Variants in UNC5C observed in about 807,000 individuals in gnomAD.
The protein encoded by UNC5C is netrin receptor UNC5C.
In UNC5C, 47 loss-of-function variants were observed where a neutral mutation model predicts 99.8. The observed-to-expected ratio is 0.47, with a 90% CI of 0.37 to 0.60. UNC5C has a LOEUF of 0.60. Ranked by LOEUF, UNC5C falls within the 20% of genes least tolerant of loss-of-function variation. The pLI is 0.00. For missense variants in UNC5C, 1,062 were observed against 1,165.9 expected (o/e 0.91, Z 1.30); for synonymous variants, 487 against 452.2 (o/e 1.08, Z -0.98).
rs970126203 is a variant in UNC5C, at chr4:95,277,603, T to G, written c.594+656A>C. Among the ~76,000 whole-genome samples, 10 of 152,322 alleles carry G rather than the reference T, an allele frequency of 6.6e-5. 1 individual carries two copies. The highest frequency in any genetic ancestry group is 1.9e-4 in the African/African-American group (8 of 41,590). On this transcript the variant is annotated intron_variant, in intron 4 of 15. Transcript: ENST00000453304. ...GTCCTCTTCCCCAAAGAGAGATATTTTCAAAGGACATGGTATTGTGTGTTG... is the reference window on the plus strand; with the variant it reads ...GTCCTCTTCCCCAAAGAGAGATATTGTCAAAGGACATGGTATTGTGTGTTG...
Position 95,311,146 on chromosome 4 carries a change from C to A in UNC5C, c.347-9397G>T, listed in dbSNP as rs562581611. Among the ~76,000 whole-genome samples the A allele has an allele frequency of 4.3e-4, 65 of 152,196 alleles. 1 individual carries two copies. The highest frequency in any genetic ancestry group is 1.5e-3 in the African/African-American group (64 of 41,528). The stretch of plus-strand genomic sequence containing the variant: ...AATTGCTAGAAATCAACCTTACAAG[C>A]ACTAGCTGTCATTTAATTCTTTTTA... On this transcript the variant is annotated intron_variant, in intron 2 of 15. Coordinates refer to ENST00000453304, the MANE Select transcript of UNC5C (RefSeq NM_003728.4).
intron 1 of UNC5C, among the ~76,000 whole-genome samples, chr4:95,378,880 A>C (rs902023475): frequency 1.3e-4 from 20 of 152,164 alleles, no homozygotes; most frequent in African/African-American, 4.8e-4. Flanking sequence ...TCTAGAAAAA[A>C]CACCAAGTCT....
intron 2 of UNC5C, 124 bp downstream of exon 2, chr4:95,335,285 CA>C (rs1005602259): frequency 1.1e-6 from 1 of 934,394 alleles, no homozygotes; most frequent in African/African-American, 1.7e-5. Context: ...CAAACCAATT[CA>C]AAACTTTTTG....
intron 2 of UNC5C, among the ~76,000 whole-genome samples, chr4:95,319,800 CAA>C (rs561175151): frequency 6.6e-6 from 1 of 151,680 alleles, no homozygotes; most frequent in Non-Finnish European, 1.5e-5. Context: ...TCAAAGATGC[CAA>C]AAAAATGATA....
intron 4 of UNC5C, among the ~76,000 whole-genome samples, chr4:95,274,060 A>T (rs1740762901): frequency 6.6e-6 from 1 of 152,210 alleles, no homozygotes; most frequent in African/African-American, 2.4e-5. Context: ...TAGAGATAAA[A>T]CATGAACAAA....
At chr4:95,290,259 C>A (rs1354749600) in intron 3 of UNC5C, among the ~76,000 whole-genome samples, 1 of 151,914 alleles carries the variant, frequency 6.6e-6, no homozygotes, top group Non-Finnish European at 1.5e-5. Flanking sequence ...GTGAACTATG[C>A]TCATGCCACT....
chr4:95,464,580 A>G (rs760077162), intron 1 of UNC5C, among the ~76,000 whole-genome samples: 2 of 152,176 alleles, frequency 1.3e-5, no homozygotes, highest in Non-Finnish European at 2.9e-5. Flanking sequence ...ATCAACAAGA[A>G]TGCATAATTA....
intron 12 of UNC5C, among the ~76,000 whole-genome samples, chr4:95,188,259 A>G (rs1311505521): frequency 6.6e-6 from 1 of 152,118 alleles, no homozygotes; most frequent in Non-Finnish European, 1.5e-5. Context: ...ACCTTACCAC[A>G]CTTAACACCC....
At chr4:95,352,961 C>A (rs760105915) in intron 1 of UNC5C, among the ~76,000 whole-genome samples, 2 of 152,120 alleles carry the variant, frequency 1.3e-5, no homozygotes, top group African/African-American at 2.4e-5. Context: ...GCATTCCACA[C>A]AACATGGCCC....
chr4:95,370,491 GC>G (rs1241973839), intron 1 of UNC5C, among the ~76,000 whole-genome samples: 1 of 152,084 alleles, frequency 6.6e-6, no homozygotes, highest in Non-Finnish European at 1.5e-5. Flanking sequence ...CATATTCCTG[GC>G]CACAGTTGGG....
chr4:95,491,740 C>T lies in UNC5C; in HGVS notation c.124+56994G>A, dbSNP rs1224663791. ...AAGCAATAGTAAAATATGTTGTGTTCCAAATAAAATGATGATTTTATTTCT... is the reference window on the plus strand; with the variant it reads ...AAGCAATAGTAAAATATGTTGTGTTTCAAATAAAATGATGATTTTATTTCT... On this transcript the variant is annotated intron_variant, in intron 1 of 15. Coordinates refer to ENST00000453304, the MANE Select transcript of UNC5C (RefSeq NM_003728.4). Among the ~76,000 whole-genome samples, 6 of 151,482 alleles carry T rather than the reference C, an allele frequency of 4.0e-5. No individual in the cohort carries two copies. The Admixed American group carries it at 4.0e-4, about 10-fold the overall frequency.
At chr4:95,313,856 T>G (rs989033839) in intron 2 of UNC5C, among the ~76,000 whole-genome samples, 2 of 152,186 alleles carry the variant, frequency 1.3e-5, no homozygotes, top group African/African-American at 4.8e-5. Context: ...AACAACCTAG[T>G]GATTTATTGA....
rs989891902 is a variant in UNC5C, at chr4:95,497,472, C to A, written c.124+51262G>T. 4.0e-5 allele frequency among the ~76,000 whole-genome samples: 6 copies of A among 151,898 alleles called. No homozygotes were observed. In the East Asian group the frequency reaches 9.7e-4, roughly 24 times the overall value. The stretch of plus-strand genomic sequence containing the variant: ...GAAAGATCCCTGTTTATTCAATGAT[C>A]ATTCACCTGGGATTTATTTAGCAGA... On this transcript the variant is annotated intron_variant, in intron 1 of 15. Transcript: ENST00000453304.
At position 95,163,300 on chromosome 4, in the gene UNC5C, C is replaced by T. The variant is rs1000140463; in HGVS notation, c.*5934G>A. 1 of 152,282 alleles carries T rather than the reference C, an allele frequency of 6.6e-6. No homozygotes were observed. The highest frequency in any genetic ancestry group is 1.5e-5 in the Non-Finnish European group (1 of 68,036). 9.4% of individuals were successfully genotyped at this position (152,282 alleles called of 1,614,324 possible). ...GGATAGAAAAGGCAAAGGTATTTTA[C>T]ACCAGCTGTAGATTTCTTGCTCTTA... On this transcript the variant is annotated 3_prime_UTR_variant, in exon 16 of 16. Coordinates refer to ENST00000453304, the MANE Select transcript of UNC5C (RefSeq NM_003728.4).
chr4:95,327,881 A>T (rs746305439), intron 2 of UNC5C, among the ~76,000 whole-genome samples: 17 of 151,956 alleles, frequency 1.1e-4, no homozygotes, highest in Non-Finnish European at 2.2e-4. Flanking sequence ...AATGATGAAA[A>T]AGAATTCAGG....
intron 4 of UNC5C, among the ~76,000 whole-genome samples, chr4:95,257,266 A>G (rs1290383041): frequency 1.3e-5 from 2 of 152,084 alleles, no homozygotes; most frequent in Non-Finnish European, 2.9e-5. Flanking sequence ...TTAGTAGAGC[A>G]TGGGGCATGT....
chr4:95,308,394 A>G (rs1338049843), intron 2 of UNC5C, among the ~76,000 whole-genome samples: 1 of 152,160 alleles, frequency 6.6e-6, no homozygotes, highest in Non-Finnish European at 1.5e-5. Context: ...AAATTTAACC[A>G]AAGAGATGAA....
rs372411495 is a variant in UNC5C, at chr4:95,189,945, G to A, written c.2137-4749C>T. The stretch of plus-strand genomic sequence containing the variant: ...GAAGTCAGTGTGGCGATTCCTCAGG[G>A]ATCTAGAACTAGAAATACCATTTGA... On this transcript the variant is annotated intron_variant, in intron 12 of 15. Coordinates refer to ENST00000453304, the MANE Select transcript of UNC5C (RefSeq NM_003728.4). Among the ~76,000 whole-genome samples the A allele has an allele frequency of 2.3e-4, 35 of 152,210 alleles. No individual in the cohort carries two copies. The South Asian group carries it at 6.9e-3, about 30-fold the overall frequency.
chr4:95,308,419 C>A (rs963712252), intron 2 of UNC5C, among the ~76,000 whole-genome samples: 3 of 151,798 alleles, frequency 2.0e-5, no homozygotes, highest in African/African-American at 7.3e-5. Flanking sequence ...CTGTACACTG[C>A]AAACAATAAA....
Sources: gnomAD v4.1 joint callset for allele counts (sites outside exome capture counted in the v4.1 genomes callset) on GRCh38, gnomAD v4.1.1 for gene constraint, MANE v1.5 for transcripts, NCBI Gene and HGNC (gene_info 2026-07-23, HGNC 2026-07-21) for gene names.